Variants in LRMDA observed in about 807,000 individuals in gnomAD.
LRMDA encodes the protein leucine rich melanocyte differentiation associated.
In LRMDA, 18 loss-of-function variants were observed where a neutral mutation model predicts 29.8. That is an observed-to-expected ratio of 0.60 (90% CI 0.42 to 0.90). LRMDA has a LOEUF of 0.90. Ranked by LOEUF, LRMDA falls within the 40% of genes least tolerant of loss-of-function variation. The probability of loss-of-function intolerance (pLI) is 0.00; values close to 1 mark genes in which losing one functional copy is unlikely to be tolerated. For missense variants in LRMDA, 273 were observed against 273.9 expected (o/e 1.00, Z 0.02); for synonymous variants, 125 against 109.4 (o/e 1.14, Z -0.89).
chr10:75,684,267 C>T (rs1010586673), intron 2 of LRMDA, among the ~76,000 whole-genome samples: 3 of 152,120 alleles, frequency 2.0e-5, no homozygotes, highest in Non-Finnish European at 2.9e-5. Context: ...GCTTAGTAGA[C>T]CCTGTAGGCT....
intron 6 of LRMDA, among the ~76,000 whole-genome samples, chr10:76,506,644 C>T (rs1036575258): frequency 6.6e-6 from 1 of 152,036 alleles, no homozygotes; most frequent in African/African-American, 2.4e-5. Context: ...CTTTTCTCAA[C>T]CTCTGTTAAC....
chr10:75,918,896 A>G (rs1449414068), intron 2 of LRMDA, among the ~76,000 whole-genome samples: 1 of 152,170 alleles, frequency 6.6e-6, no homozygotes, highest in Non-Finnish European at 1.5e-5. Context: ...TGTGTGAAGA[A>G]AAAAAAAGAT....
chr10:76,374,188 A>G (rs1841488502), intron 6 of LRMDA, among the ~76,000 whole-genome samples: 3 of 152,202 alleles, frequency 2.0e-5, no homozygotes, highest in Admixed American at 6.5e-5. Context: ...CTACATTGTA[A>G]GTTGAGTGTT....
intron 5 of LRMDA, among the ~76,000 whole-genome samples, chr10:76,206,253 G>A (rs965556590): frequency 6.6e-6 from 1 of 152,076 alleles, no homozygotes; most frequent in Admixed American, 6.6e-5. Flanking sequence ...AACCTCTTAC[G>A]ACGTTGTGCT....
chr10:76,132,170 C>T (rs997545796), intron 5 of LRMDA, among the ~76,000 whole-genome samples: 2 of 152,088 alleles, frequency 1.3e-5, no homozygotes, highest in African/African-American at 4.8e-5. Flanking sequence ...TGGTCACTCT[C>T]TATGATCCTG....
intron 2 of LRMDA, among the ~76,000 whole-genome samples, chr10:75,598,318 T>C (rs1840827839): frequency 2.6e-5 from 4 of 152,068 alleles, no homozygotes. Flanking sequence ...TGTGCTCGTC[T>C]CTCCCTGGGC....
At chr10:76,059,974 A>C (rs1009832344) in intron 5 of LRMDA, among the ~76,000 whole-genome samples, 7 of 152,238 alleles carry the variant, frequency 4.6e-5, no homozygotes, top group African/African-American at 1.7e-4. Flanking sequence ...TAAAGTGTTA[A>C]CAGTGCTCCC....
At chr10:75,633,625 T>C (rs1211345745) in intron 2 of LRMDA, among the ~76,000 whole-genome samples, 1 of 152,222 alleles carries the variant, frequency 6.6e-6, no homozygotes, top group Non-Finnish European at 1.5e-5. Flanking sequence ...AAATTTGTCA[T>C]TCTAATATCT....
chr10:75,920,890 G>A (rs527675169), intron 2 of LRMDA, among the ~76,000 whole-genome samples: 7 of 152,310 alleles, frequency 4.6e-5, no homozygotes, highest in Admixed American at 2.0e-4. Flanking sequence ...GGAGATGTCT[G>A]ATAGGGTGTG....
At chr10:75,562,123 C>T (rs1190591438) in intron 2 of LRMDA, among the ~76,000 whole-genome samples, 1 of 151,932 alleles carries the variant, frequency 6.6e-6, no homozygotes, top group Non-Finnish European at 1.5e-5. Flanking sequence ...CTAATGTTGA[C>T]AGTGGGGTGT....
At chr10:75,469,487 T>G (rs1280836051) in intron 2 of LRMDA, among the ~76,000 whole-genome samples, 1 of 152,076 alleles carries the variant, frequency 6.6e-6, no homozygotes, top group African/African-American at 2.4e-5. Context: ...CCAACCCCTT[T>G]CTGATGACTG....
chr10:76,071,550 T>C (rs886845124), intron 5 of LRMDA, among the ~76,000 whole-genome samples: 1 of 152,214 alleles, frequency 6.6e-6, no homozygotes, highest in Non-Finnish European at 1.5e-5. Flanking sequence ...GCTGAAAATA[T>C]GAATTGTGTT....
chr10:76,052,688 C>T (rs1848550186), intron 4 of LRMDA, among the ~76,000 whole-genome samples: 1 of 152,192 alleles, frequency 6.6e-6, no homozygotes, highest in Non-Finnish European at 1.5e-5. Context: ...CTGAAAAGCT[C>T]AATGTGCTGG....
chr10:75,816,434 T>C (rs991304164), intron 2 of LRMDA, among the ~76,000 whole-genome samples: 2 of 151,970 alleles, frequency 1.3e-5, no homozygotes, highest in Non-Finnish European at 2.9e-5. Context: ...ACCTGTGGAG[T>C]TCATCCAGCC....
intron 2 of LRMDA, among the ~76,000 whole-genome samples, chr10:75,930,741 G>C (rs541072427): frequency 6.6e-6 from 1 of 152,194 alleles, no homozygotes; most frequent in Non-Finnish European, 1.5e-5. Context: ...TGTTCATTTA[G>C]TTGATGTTGC....
chr10:75,741,911 CGATG>C (rs1842834595), intron 2 of LRMDA, among the ~76,000 whole-genome samples: 1 of 152,090 alleles, frequency 6.6e-6, no homozygotes, highest in Non-Finnish European at 1.5e-5. Flanking sequence ...CTCTCATGAA[CGATG>C]GGATTAGTAC....
intron 6 of LRMDA, among the ~76,000 whole-genome samples, chr10:76,554,893 GTGTGGT>G (rs1843537065): frequency 1.3e-5 from 2 of 149,482 alleles, no homozygotes; most frequent in Admixed American, 6.7e-5. Flanking sequence ...GTGTGTGTGT[GTGTGGT>G]GTGTGTGTGT....
At chr10:75,556,274 C>G (rs1013307578) in intron 2 of LRMDA, among the ~76,000 whole-genome samples, 1 of 152,092 alleles carries the variant, frequency 6.6e-6, no homozygotes, top group African/African-American at 2.4e-5. Context: ...AAAAGTTGCA[C>G]ATTGCATCCA....
At chr10:75,577,246 C>T (rs1840517856) in intron 2 of LRMDA, among the ~76,000 whole-genome samples, 1 of 151,964 alleles carries the variant, frequency 6.6e-6, no homozygotes, top group Non-Finnish European at 1.5e-5. Flanking sequence ...GAAGCATACA[C>T]AAGTATCAAT....
Sources: gnomAD v4.1 joint callset for allele counts (sites outside exome capture counted in the v4.1 genomes callset) on GRCh38, gnomAD v4.1.1 for gene constraint, MANE v1.5 for transcripts, NCBI Gene and HGNC (gene_info 2026-07-23, HGNC 2026-07-21) for gene names.